The following CLDN14 variants were observed in gnomAD, a reference collection of about 807,000 sequenced individuals.
CLDN14 encodes claudin-14.
A neutral mutation model predicts 2.1 loss-of-function variants in CLDN14; 2 were observed. The observed-to-expected ratio is 0.96, with a 90% CI of 0.39 to 3.01. The LOEUF (loss-of-function observed/expected upper bound fraction) is 3.01. Among genes scored for constraint, CLDN14 ranks in the 30% most tolerant of loss-of-function variants. The pLI is 0.09. For synonymous variants in CLDN14, 136 were observed against 154.4 expected, an observed-to-expected ratio of 0.88 and a Z score of 0.88; for missense variants, 298 against 328.0, an observed-to-expected ratio of 0.91 and a Z score of 0.71.
intron 2 of CLDN14, among the ~76,000 whole-genome samples, chr21:36,488,115 C>T (rs139148097): frequency 1.3e-5 from 2 of 152,302 alleles, no homozygotes; most frequent in African/African-American, 4.8e-5. Flanking sequence ...ATGCAACATC[C>T]AGCCAGAAAA....
rs1183119783 is a variant in CLDN14 at position 36,475,050 on chromosome 21, C to T, written c.-82+4445G>A. Among the ~76,000 whole-genome samples the T allele has an allele frequency of 4.6e-5, 7 of 152,246 alleles. No homozygotes were observed. The East Asian group carries it at 1.2e-3, about 25-fold the overall frequency. ...GTCATCCAGGAGAATGACCGCAGGC[C>T]TGGACCAAGTCAAGGGGTCAAGTGC... On this transcript the variant is annotated intron_variant, in intron 1 of 1. Transcript: ENST00000399135.
intron 1 of CLDN14, among the ~76,000 whole-genome samples, chr21:36,467,995 C>T (rs2086667273): frequency 6.6e-6 from 1 of 152,218 alleles, no homozygotes; most frequent in South Asian, 2.1e-4. Context: ...TGCCTTTTGC[C>T]TGCCATGTGG....
intron 2 of CLDN14, among the ~76,000 whole-genome samples, chr21:36,509,913 A>G (rs553077642): frequency 3.3e-5 from 5 of 152,298 alleles, no homozygotes; most frequent in African/African-American, 1.2e-4. Context: ...TTGCTTTTAG[A>G]CTGACAGCTT....
At chr21:36,480,477 G>C (rs2086833122), upstream of CLDN14, 1 of 152,218 alleles carries the variant, frequency 6.6e-6, no homozygotes, top group South Asian at 2.1e-4. Context: ...GGTGGCTGAG[G>C]GAACTGGTCA....
chr21:36,486,537 A>G, intron 2 of CLDN14: 2 of 1,563,630 alleles, frequency 1.3e-6, no homozygotes, highest in Non-Finnish European at 1.8e-6. Flanking sequence ...TCCCCAGCCA[A>G]AATCGGAGAA....
At chr21:36,547,254 G>T (rs549706864) in intron 1 of CLDN14, among the ~76,000 whole-genome samples, 1 of 152,218 alleles carries the variant, frequency 6.6e-6, no homozygotes, top group South Asian at 2.1e-4. Flanking sequence ...GGTTGTCTCT[G>T]GGGAGAACTT....
At chr21:36,497,852 G>C (rs2087052500) in intron 2 of CLDN14, among the ~76,000 whole-genome samples, 1 of 152,164 alleles carries the variant, frequency 6.6e-6, no homozygotes, top group African/African-American at 2.4e-5. Flanking sequence ...GGGGCTGGGT[G>C]GGGGCACCTG....
chr21:36,504,427 C>T (rs970327993), intron 2 of CLDN14, among the ~76,000 whole-genome samples: 2 of 152,094 alleles, frequency 1.3e-5, no homozygotes, highest in African/African-American at 2.4e-5. Context: ...CACTAGATGC[C>T]GCTGTGACCT....
At chr21:36,553,175 G>A (rs2087574807) in intron 1 of CLDN14, among the ~76,000 whole-genome samples, 1 of 152,188 alleles carries the variant, frequency 6.6e-6, no homozygotes, top group Admixed American at 6.5e-5. Flanking sequence ...CTGCAGCCTC[G>A]AGGCCCCCGT....
intron 2 of CLDN14, among the ~76,000 whole-genome samples, chr21:36,491,060 C>T (rs1044208127): frequency 6.6e-5 from 10 of 151,986 alleles, no homozygotes; most frequent in African/African-American, 1.5e-4. Context: ...TTCCAAAGGC[C>T]GAAGAAAGGC....
At chr21:36,566,836 C>T (rs957265487) in intron 1 of CLDN14, among the ~76,000 whole-genome samples, 2 of 152,178 alleles carry the variant, frequency 1.3e-5, no homozygotes, top group Non-Finnish European at 2.9e-5. Context: ...CTCAGCAGGC[C>T]CTGATTGCTG....
chr21:36,481,875 A>C (rs2086847717), upstream of CLDN14, among the ~76,000 whole-genome samples: 2 of 152,210 alleles, frequency 1.3e-5, no homozygotes. Context: ...TCCAGCACGT[A>C]TGAGTAGCAG....
intron 1 of CLDN14, among the ~76,000 whole-genome samples, chr21:36,527,549 T>C (rs546695685): frequency 1.3e-3 from 195 of 152,316 alleles, no homozygotes; most frequent in Non-Finnish European, 2.2e-3. Flanking sequence ...CGCCTTGAAG[T>C]GACATTTCCC....
In CLDN14 at chr21:36,488,105, A is replaced by G. The variant is rs1286790552; in HGVS notation, c.-82+22258T>C. On this transcript the variant is annotated intron_variant, in intron 2 of 2. Transcript: ENST00000342108. ...AAACAAAATATGCTGTAACCACACA[A>G]TGCAACATCCAGCCAGAAAAAGGAA... 2.6e-5 allele frequency among the ~76,000 whole-genome samples: 4 copies of G among 152,226 alleles called. No homozygotes were observed. In the South Asian group the frequency reaches 8.3e-4, roughly 32 times the overall value.
intron 1 of CLDN14, among the ~76,000 whole-genome samples, chr21:36,522,256 A>G (rs990415312): frequency 2.6e-5 from 4 of 152,196 alleles, no homozygotes; most frequent in Non-Finnish European, 4.4e-5. Context: ...ACTTCATGTG[A>G]AAATGCATAT....
intron 1 of CLDN14, among the ~76,000 whole-genome samples, chr21:36,473,944 G>A (rs946785538): frequency 2.6e-5 from 4 of 152,224 alleles, no homozygotes; most frequent in African/African-American, 9.6e-5. Context: ...TCTGAGCACT[G>A]AGAAGTGGTC....
chr21:36,482,328 AGATGGATGGATG>A (rs76291106), upstream of CLDN14, among the ~76,000 whole-genome samples: 55,644 of 142,350 alleles, frequency 0.39, 12,756 homozygotes, highest in African/African-American at 0.65. Flanking sequence ...ATGTTTCAAT[AGATGGATGGATG>A]GATGGATGGA....
chr21:36,484,844 C>T (rs1601604007), upstream of CLDN14, among the ~76,000 whole-genome samples: 1 of 152,132 alleles, frequency 6.6e-6, no homozygotes, highest in East Asian at 1.9e-4. Context: ...CTCCCGAGTG[C>T]TGGGATTACA....
At chr21:36,524,567 C>A (rs190513668) in intron 1 of CLDN14, among the ~76,000 whole-genome samples, 1 of 152,214 alleles carries the variant, frequency 6.6e-6, no homozygotes, top group African/African-American at 2.4e-5. Flanking sequence ...CTGAGCTCCA[C>A]GTGACCGTGC....
Sources: allele counts gnomAD v4.1 joint callset (sites outside exome capture counted in the v4.1 genomes callset), GRCh38; gene constraint gnomAD v4.1.1; transcripts MANE v1.5; gene names NCBI Gene and HGNC (gene_info 2026-07-23, HGNC 2026-07-21).